DNAJC16: variants seen among roughly 807,000 people sequenced by gnomAD.
The protein encoded by DNAJC16 is DnaJ heat shock protein family (Hsp40) member C16.
A neutral mutation model predicts 92.7 loss-of-function variants in DNAJC16; 76 were observed. That is an observed-to-expected ratio of 0.82 (90% CI 0.68 to 0.99). DNAJC16 has a LOEUF of 0.99. Among genes scored for constraint, DNAJC16 ranks in the 50% least tolerant of loss-of-function variants. The pLI is 0.00. For missense variants in DNAJC16, 869 were observed against 942.4 expected (o/e 0.92, Z 1.02); for synonymous variants, 328 against 358.7 (o/e 0.91, Z 0.97).
chr1:15,553,385 C>T (rs1418765543), intron 7 of DNAJC16, among the ~76,000 whole-genome samples: 4 of 151,980 alleles, frequency 2.6e-5, no homozygotes, highest in African/African-American at 9.7e-5. Context: ...AGGCACACTC[C>T]ACCACGCCCA....
intron 1 of DNAJC16, among the ~76,000 whole-genome samples, chr1:15,528,266 C>T (rs1710568025): frequency 6.6e-6 from 1 of 152,168 alleles, no homozygotes; most frequent in South Asian, 2.1e-4. Context: ...AACCCTGTCT[C>T]TACTAAAAAT....
At chr1:15,548,478 A>C in intron 7 of DNAJC16, 50 bp downstream of exon 7, 1 of 1,521,948 alleles carries the variant, frequency 6.6e-7, no homozygotes, top group Non-Finnish European at 8.9e-7. Flanking sequence ...TTATCCCAAG[A>C]TTTTATGTAA....
intron 5 of DNAJC16, among the ~76,000 whole-genome samples, chr1:15,545,107 T>C (rs1638267084): frequency 6.6e-6 from 1 of 152,198 alleles, no homozygotes. Flanking sequence ...AAAGAAAAGG[T>C]TGAAATAGAG....
chr1:15,539,127 C>T (rs1167043883), intron 4 of DNAJC16, among the ~76,000 whole-genome samples: 2 of 152,236 alleles, frequency 1.3e-5, no homozygotes, highest in African/African-American at 4.8e-5. Flanking sequence ...AAGACCCTCT[C>T]ACAGCCTCAG....
intron 2 of DNAJC16, among the ~76,000 whole-genome samples, chr1:15,532,957 T>A (rs1211121269): frequency 6.6e-6 from 1 of 151,924 alleles, no homozygotes; most frequent in Non-Finnish European, 1.5e-5. Context: ...AAGTTGTAGA[T>A]TTTTTTTTAT....
rs1462303638 is a variant in DNAJC16 at position 15,562,152 on chromosome 1, G to A, written c.1165G>A (p.Val389Ile). The change falls in exon 9 of 15, where the codon GTT becomes ATT. Residue 389 changes from valine to isoleucine, a missense_variant. Transcript: ENST00000375847. ...RSHRQRKYCV[V>I]LLTAETTKLS... ...CTTTTTGTTGTGCAGGTACTGTGTG[G>A]TTTTATTGACTGCTGAGACTACCAA... is the stretch of plus-strand genomic sequence containing the variant. The A allele has an allele frequency of 2.5e-6, 4 of 1,613,784 alleles. No individual in the cohort carries two copies. The highest frequency in any genetic ancestry group is 3.4e-6 in the Non-Finnish European group (4 of 1,179,756).
intron 1 of DNAJC16, among the ~76,000 whole-genome samples, chr1:15,527,310 TC>T (rs1710540190): frequency 6.6e-6 from 1 of 151,836 alleles, no homozygotes; most frequent in Admixed American, 6.6e-5. Flanking sequence ...CTAAAGAACT[TC>T]CCAGACCACC....
chr1:15,540,269 T>TGAG (rs1470102288), intron 4 of DNAJC16, among the ~76,000 whole-genome samples: 1 of 151,956 alleles, frequency 6.6e-6, no homozygotes, highest in Non-Finnish European at 1.5e-5. Context: ...GAGGTTGCAG[T>TGAG]GAGCTGAGAT....
At chr1:15,546,688 G>A in intron 5 of DNAJC16, 79 bp from the exon 6 acceptor site, 1 of 1,140,866 alleles carries the variant, frequency 8.8e-7, no homozygotes, top group Non-Finnish European at 1.3e-6. Context: ...TACTTGATTT[G>A]TTTATTTTCT....
intron 7 of DNAJC16, among the ~76,000 whole-genome samples, chr1:15,550,078 A>C (rs932683183): frequency 4.6e-5 from 7 of 152,148 alleles, no homozygotes; most frequent in Admixed American, 3.3e-4. Flanking sequence ...GCTGTATGTA[A>C]AGTAAGGCCA....
rs1638936565 is a variant in DNAJC16, at chr1:15,570,987, G to A, written c.*2810G>A. 2 of 149,880 alleles carry A rather than the reference G, an allele frequency of 1.3e-5. No homozygotes were observed. The highest frequency in any genetic ancestry group is 1.3e-4 in the Admixed American group (2 of 14,906). 9.3% of individuals were successfully genotyped at this position (149,880 alleles called of 1,614,324 possible). ...ATGGGGTAAAACTGGCCTAAAACAA[G>A]TCTTTGCAGAATACATGCCAATTTC... On this transcript the variant is annotated 3_prime_UTR_variant, in exon 15 of 15. Transcript: ENST00000375847.
In DNAJC16 at chr1:15,546,865, A is replaced by T. The variant is rs1218331253; in HGVS notation, c.858A>T (p.Leu286Phe). The change falls in exon 6 of 15, where the codon TTA becomes TTT. Residue 286 changes from leucine to phenylalanine, a missense_variant. By Grantham distance (22) the Leu-to-Phe change is conservative. Coordinates refer to ENST00000375847, the MANE Select transcript of DNAJC16 (RefSeq NM_015291.4). Reference protein sequence around the residue: ...LFDQTPIVPLLYKLTAFAYKD... With the variant: ...LFDQTPIVPLFYKLTAFAYKD... ...ACCAAACGCCCATTGTGCCACTGTT[A>T]TACAAGGTACTTTCTATGCTAGGAT... 3.7e-6 allele frequency: 6 copies of T among 1,602,306 alleles called. No homozygotes were observed. The highest frequency in any genetic ancestry group is 1.7e-6 in the Non-Finnish European group (2 of 1,173,306).
At chr1:15,551,177 A>G (rs1448432724) in intron 7 of DNAJC16, among the ~76,000 whole-genome samples, 4 of 152,178 alleles carry the variant, frequency 2.6e-5, no homozygotes, top group African/African-American at 9.6e-5. Flanking sequence ...GCCTCACCTT[A>G]TATCTTTGAT....
intron 13 of DNAJC16, 135 bp from the exon 14 acceptor site, chr1:15,566,964 G>T: frequency 1.3e-6 from 1 of 749,368 alleles, no homozygotes; most frequent in East Asian, 2.7e-5. Context: ...TCCTACCAAT[G>T]TGTTAGACTC....
Position 15,544,473 on chromosome 1 carries a change from T to A in DNAJC16, c.649T>A (p.Ser217Thr). 6.2e-7 allele frequency: 1 copy of A among 1,614,178 alleles called. No individual in the cohort carries two copies. The highest frequency in any genetic ancestry group is 8.5e-7 in the Non-Finnish European group (1 of 1,180,022). Residue 217 changes from serine to threonine, a missense_variant, in exon 5 of 15, where the codon TCT becomes ACT. Physicochemically the swap from Ser to Thr is moderately conservative, Grantham distance 58 (BLOSUM62 1). Coordinates refer to ENST00000375847, the MANE Select transcript of DNAJC16 (RefSeq NM_015291.4). ...AHHLGAHSTP[S>T]ILGIINGKIS... ...TCACCTAGGGGCACACAGCACGCCC[T>A]CTATCCTAGGAATCATTAACGGGAA... is the stretch of plus-strand genomic sequence containing the variant.
chr1:15,567,916 TTATG>T lies in DNAJC16; in HGVS notation c.2091_2094del (p.Val698TrpfsTer3), dbSNP rs929694586. 2 of 1,614,110 alleles carry T rather than the reference TTATG, an allele frequency of 1.2e-6. No individual in the cohort carries two copies. The highest frequency in any genetic ancestry group is 1.7e-6 in the Non-Finnish European group (2 of 1,180,054). On this transcript the variant is annotated frameshift_variant, in exon 15 of 15. Transcript: ENST00000375847. LOFTEE classifies it high-confidence loss of function. ...ATTTCATGGAGCGTGACTACACTGG[TTATG>T]TACTGGCTCTGAATGGCCACAAGAA...
At chr1:15,532,142 A>G (rs372930706) in intron 2 of DNAJC16, among the ~76,000 whole-genome samples, 1 of 152,226 alleles carries the variant, frequency 6.6e-6, no homozygotes, top group Non-Finnish European at 1.5e-5. Flanking sequence ...CTCCCACCCA[A>G]AGAATGGCAG....
chr1:15,546,994 G>C (rs562923862), intron 6 of DNAJC16, 123 bp downstream of exon 6: 39 of 747,310 alleles, frequency 5.2e-5, no homozygotes, highest in South Asian at 2.7e-4. Flanking sequence ...GTAAGAAACA[G>C]TTTCATCCAT....
intron 4 of DNAJC16, among the ~76,000 whole-genome samples, chr1:15,539,250 T>A (rs897724443): frequency 4.0e-5 from 6 of 151,784 alleles, no homozygotes; most frequent in East Asian, 1.9e-4. Flanking sequence ...TTTATTTTTT[T>A]TTTTTATTTT....
Sources: allele counts gnomAD v4.1 joint callset (sites outside exome capture counted in the v4.1 genomes callset), GRCh38; gene constraint gnomAD v4.1.1; transcripts MANE v1.5; gene names NCBI Gene and HGNC (gene_info 2026-07-23, HGNC 2026-07-21).